Variants in ABCD3 observed in about 807,000 individuals in gnomAD.
The protein encoded by ABCD3 is ATP binding cassette subfamily D member 3, also known as ATP-binding cassette sub-family D member 3.
Under a neutral mutation model 105.5 loss-of-function variants are expected in ABCD3, and 41 were observed. The ratio of observed to expected loss-of-function variants is 0.39; its 90% CI spans 0.30 to 0.50. ABCD3 has a LOEUF of 0.50. Ranked by LOEUF, ABCD3 falls within the 20% of genes least tolerant of loss-of-function variation. The pLI is 0.84. For missense variants in ABCD3, 622 were observed against 806.3 expected (o/e 0.77, Z 2.77); for synonymous variants, 258 against 269.0 (o/e 0.96, Z 0.40).
the ABCD3 span, among the ~76,000 whole-genome samples, chr1:94,395,814 A>AGT: frequency 1.7e-4 from 26 of 151,336 alleles, no homozygotes; most frequent in South Asian, 4.2e-4. Context: ...AGTGTGAGTG[A>AGT]GTGTGTGTGT....
At chr1:94,493,830 A>G (rs1281862298) in intron 16 of ABCD3, among the ~76,000 whole-genome samples, 4 of 152,160 alleles carry the variant, frequency 2.6e-5, no homozygotes, top group Non-Finnish European at 5.9e-5. Context: ...CATTCTCAGT[A>G]AACTATCGCA....
chr1:94,507,994 A>C lies in ABCD3; in HGVS notation c.1845+1352A>C, dbSNP rs1210883010. Among the ~76,000 whole-genome samples the C allele has an allele frequency of 2.0e-5, 3 of 147,198 alleles. 1 individual carries two copies. The highest frequency in any genetic ancestry group is 3.9e-4 in the East Asian group (2 of 5,096). On this transcript the variant is annotated intron_variant, in intron 21 of 22. Coordinates refer to ENST00000370214, the MANE Select transcript of ABCD3 (RefSeq NM_002858.4). The stretch of plus-strand genomic sequence containing the variant: ...TTGCTGTGCAGAAGCTCTTTAGTTT[A>C]ATTAGATCCCATTTGTCAATTTTGG...
chr1:94,481,915 T>C (rs980726533), intron 9 of ABCD3: 2 of 152,212 alleles, frequency 1.3e-5, no homozygotes, highest in African/African-American at 4.8e-5. Context: ...TTAGGGTACA[T>C]GGAAAATAAT....
chr1:94,404,783 T>A, the ABCD3 span, among the ~76,000 whole-genome samples: 2 of 152,026 alleles, frequency 1.3e-5, no homozygotes, highest in Non-Finnish European at 2.9e-5. Context: ...GCATCCTTCA[T>A]AAGCTCTTTT....
intron 3 of ABCD3, among the ~76,000 whole-genome samples, chr1:94,467,423 T>C (rs1353808162): frequency 6.6e-6 from 1 of 152,218 alleles, no homozygotes; most frequent in Non-Finnish European, 1.5e-5. Context: ...GAAAGCCCTA[T>C]GAGGGCATGG....
chr1:94,443,424 C>T (rs571195300), intron 1 of ABCD3, among the ~76,000 whole-genome samples: 1 of 152,208 alleles, frequency 6.6e-6, no homozygotes, highest in East Asian at 1.9e-4. Context: ...CTGTTTACTC[C>T]ATAGACTGTT....
chr1:94,422,730 T>C lies in ABCD3; in HGVS notation c.110+4142T>C, dbSNP rs1334353353. 3.3e-5 allele frequency among the ~76,000 whole-genome samples: 5 copies of C among 152,218 alleles called. No individual in the cohort carries two copies. The East Asian group carries it at 9.6e-4, about 29-fold the overall frequency. ...TAATTGACAGGCATTTGGAGATGCC[T>C]AGTACAAACATGAATAGAAACATTC... On this transcript the variant is annotated intron_variant, in intron 1 of 22. Coordinates refer to ENST00000370214, the MANE Select transcript of ABCD3 (RefSeq NM_002858.4).
At chr1:94,488,930 G>T (rs1380350901) in intron 13 of ABCD3, among the ~76,000 whole-genome samples, 1 of 150,920 alleles carries the variant, frequency 6.6e-6, no homozygotes, top group Admixed American at 6.6e-5. Context: ...ACTTTGTTGA[G>T]GTATGATTGA....
At chr1:94,458,187 T>C (rs1647681898) in intron 1 of ABCD3, among the ~76,000 whole-genome samples, 1 of 152,224 alleles carries the variant, frequency 6.6e-6, no homozygotes, top group Non-Finnish European at 1.5e-5. Flanking sequence ...GCTCACATGG[T>C]TGGGGAAAGA....
At chr1:94,483,306 A>G (rs146483866) in intron 10 of ABCD3, 67 bp downstream of exon 10, 15 of 1,225,852 alleles carry the variant, frequency 1.2e-5, no homozygotes, top group Middle Eastern at 1.9e-4. Context: ...TGTTTTGCCT[A>G]TGGCCGACAC....
the ABCD3 span, among the ~76,000 whole-genome samples, chr1:94,412,400 T>C: frequency 2.0e-4 from 31 of 152,204 alleles, no homozygotes; most frequent in African/African-American, 7.5e-4. Flanking sequence ...TGATAAACTT[T>C]GCATATTCTT....
chr1:94,448,362 A>C (rs1263646120), intron 1 of ABCD3, among the ~76,000 whole-genome samples: 1 of 152,244 alleles, frequency 6.6e-6, no homozygotes, highest in Admixed American at 6.5e-5. Flanking sequence ...CATTTTCCTA[A>C]AACGAAACTG....
intron 1 of ABCD3, among the ~76,000 whole-genome samples, chr1:94,445,234 G>A (rs565708867): frequency 6.6e-6 from 1 of 152,340 alleles, no homozygotes; most frequent in South Asian, 2.1e-4. Flanking sequence ...ATTTCTGTGT[G>A]TGTGTGTCTT....
intron 19 of ABCD3, among the ~76,000 whole-genome samples, 183 bp downstream of exon 19, chr1:94,499,217 A>T (rs1649978061): frequency 6.6e-6 from 1 of 152,206 alleles, no homozygotes; most frequent in South Asian, 2.1e-4. Flanking sequence ...TTTAATCTTA[A>T]CCTTTACACC....
chr1:94,396,129 G>C, the ABCD3 span, among the ~76,000 whole-genome samples: 1 of 152,094 alleles, frequency 6.6e-6, no homozygotes, highest in Non-Finnish European at 1.5e-5. Flanking sequence ...CTGTGGTTAA[G>C]AACTCAAACA....
chr1:94,498,505 C>G (rs1327676734), intron 16 of ABCD3, 97 bp from the exon 17 acceptor site: 1 of 1,231,250 alleles, frequency 8.1e-7, no homozygotes, highest in East Asian at 2.4e-5. Context: ...TTATAATTAG[C>G]CAGGAGCTAT....
chr1:94,481,190 T>C (rs1649012720), intron 9 of ABCD3, among the ~76,000 whole-genome samples: 1 of 152,222 alleles, frequency 6.6e-6, no homozygotes, highest in African/African-American at 2.4e-5. Context: ...AGGATTAAAT[T>C]TGATAATACA....
At chr1:94,434,956 A>G (rs1355585796) in intron 1 of ABCD3, among the ~76,000 whole-genome samples, 2 of 151,898 alleles carry the variant, frequency 1.3e-5, no homozygotes, top group Non-Finnish European at 2.9e-5. Context: ...CCTGAAAACT[A>G]TAATTTAGTT....
intron 1 of ABCD3, among the ~76,000 whole-genome samples, chr1:94,445,758 C>T (rs933498072): frequency 6.6e-6 from 1 of 152,026 alleles, no homozygotes; most frequent in Admixed American, 6.6e-5. Context: ...TTTTATAGCT[C>T]GGTTACAGGA....
Sources: allele counts gnomAD v4.1 joint callset (sites outside exome capture counted in the v4.1 genomes callset), GRCh38; gene constraint gnomAD v4.1.1; transcripts MANE v1.5; gene names NCBI Gene and HGNC (gene_info 2026-07-23, HGNC 2026-07-21).